PCDH10: variants seen among roughly 807,000 people sequenced by gnomAD.
PCDH10 encodes protocadherin-10.
In PCDH10, 15 loss-of-function variants were observed where a neutral mutation model predicts 74.4. The ratio of observed to expected loss-of-function variants is 0.20; its 90% CI spans 0.13 to 0.31. The LOEUF (loss-of-function observed/expected upper bound fraction) is 0.31. PCDH10 is among the 10% of genes least tolerant of loss of function. The probability of loss-of-function intolerance (pLI) is 1.00; values close to 1 mark genes in which losing one functional copy is unlikely to be tolerated. For missense variants in PCDH10, 1,260 were observed against 1,390.2 expected (o/e 0.91, Z 1.49); for synonymous variants, 619 against 589.8 (o/e 1.05, Z -0.72).
intron 3 of PCDH10, among the ~76,000 whole-genome samples, chr4:133,155,448 G>A (rs1215713737): frequency 6.6e-6 from 1 of 152,148 alleles, no homozygotes; most frequent in Non-Finnish European, 1.5e-5. Flanking sequence ...ATGGATGATT[G>A]AAGACTAGAA....
chr4:133,150,581 C>T lies in PCDH10; in HGVS notation c.441C>T (p.Phe147=), dbSNP rs757923593. ...PGTRFPLESA[F]DPDVGTNSLR... is the part of the protein sequence containing the mutation. ...CTCGCTTCCCCTTGGAGAGCGCATTCGACCCAGACGTGGGCACCAACTCCT... is the reference window on the plus strand; with the variant it reads ...CTCGCTTCCCCTTGGAGAGCGCATTTGACCCAGACGTGGGCACCAACTCCT... Residue 147 remains phenylalanine, a synonymous_variant, in exon 1 of 5, where the codon TTC becomes TTT. Transcript: ENST00000264360. 2 of 1,613,576 alleles carry T rather than the reference C, an allele frequency of 1.2e-6. No homozygotes were observed. Among genetic ancestry groups the T allele is most frequent in the Non-Finnish European group, 8.5e-7 (1 of 1,179,976 alleles).
chr4:133,183,145 A>G (rs1442751676), intron 4 of PCDH10, among the ~76,000 whole-genome samples: 1 of 152,098 alleles, frequency 6.6e-6, no homozygotes, highest in Non-Finnish European at 1.5e-5. Flanking sequence ...TTTTTGTCAT[A>G]GTTGAAAGCA....
chr4:133,194,899 T>C (rs976083364), downstream of PCDH10, among the ~76,000 whole-genome samples: 1 of 152,018 alleles, frequency 6.6e-6, no homozygotes, highest in African/African-American at 2.4e-5. Flanking sequence ...TTTTTCCACC[T>C]AATGCTGTAT....
intron 4 of PCDH10, among the ~76,000 whole-genome samples, chr4:133,175,409 G>T (rs1187194501): frequency 6.6e-6 from 1 of 152,038 alleles, no homozygotes. Context: ...TGTTTTCCAA[G>T]CACAGTGGTC....
chr4:133,191,340 T>C lies in PCDH10; in HGVS notation c.*1180T>C, dbSNP rs1727663956. The C allele has an allele frequency of 6.6e-6, 1 of 152,204 alleles. No individual in the cohort carries two copies. Among genetic ancestry groups the C allele is most frequent in the Admixed American group, 6.6e-5 (1 of 15,190 alleles). The allele number at this position is 152,204 out of a possible 1,614,324, so 9.4% of individuals were successfully genotyped here. The stretch of plus-strand genomic sequence containing the variant: ...AATTCTATATGAATATATAGAGATA[T>C]AGAAACATCTGAACTGGTAAAGAAT... On this transcript the variant is annotated 3_prime_UTR_variant, in exon 5 of 5. Transcript: ENST00000264360.
intron 3 of PCDH10, among the ~76,000 whole-genome samples, chr4:133,156,866 A>G (rs1216457081): frequency 6.6e-6 from 1 of 152,202 alleles, no homozygotes; most frequent in Non-Finnish European, 1.5e-5. Flanking sequence ...ATGAGAACAT[A>G]TTCTTATCAG....
Position 133,154,301 on chromosome 4 carries a change from T to C in PCDH10, c.2632-6T>C. On this transcript the variant is annotated splice_polypyrimidine_tract_variant and splice_region_variant and intron_variant, in intron 1 of 4. Coordinates refer to ENST00000264360, the MANE Select transcript of PCDH10 (RefSeq NM_032961.3). ...AATGCTCTTGATTTATTTATTTTTT[T>C]CCTAGACTAAACACCAGCGAGCAGA... is the stretch of plus-strand genomic sequence containing the variant. 1 of 1,601,988 alleles carries C rather than the reference T, an allele frequency of 6.2e-7. No individual in the cohort carries two copies. Among genetic ancestry groups the C allele is most frequent in the East Asian group, 2.2e-5 (1 of 44,688 alleles).
At chr4:133,174,783 A>T (rs1385828606) in intron 4 of PCDH10, among the ~76,000 whole-genome samples, 1 of 151,712 alleles carries the variant, frequency 6.6e-6, no homozygotes, top group Non-Finnish European at 1.5e-5. Context: ...AAGTTATATT[A>T]TGGAGTGATG....
intron 2 of PCDH10, among the ~76,000 whole-genome samples, chr4:133,202,661 G>A (rs959443703): frequency 1.3e-5 from 2 of 152,066 alleles, no homozygotes; most frequent in Non-Finnish European, 2.9e-5. Context: ...ATGTACAGAA[G>A]AAGCCATTTC....
At position 133,161,591 on chromosome 4, in the gene PCDH10, G is replaced by A. The variant is rs970044177; in HGVS notation, c.2798-1386G>A. Among the ~76,000 whole-genome samples, 4 of 151,920 alleles carry A rather than the reference G, an allele frequency of 2.6e-5. No individual in the cohort carries two copies. The East Asian group carries it at 7.7e-4, about 29-fold the overall frequency. ...TGATATTAATAGAAGTAACAATCAA[G>A]TATGTTCATTAAATAAATATTCTTT... On this transcript the variant is annotated intron_variant, in intron 3 of 4. Coordinates refer to ENST00000264360, the MANE Select transcript of PCDH10 (RefSeq NM_032961.3).
chr4:133,162,320 C>G (rs1027662733), intron 3 of PCDH10, among the ~76,000 whole-genome samples: 2 of 152,082 alleles, frequency 1.3e-5, no homozygotes, highest in African/African-American at 4.8e-5. Flanking sequence ...ATATGGACTA[C>G]CAGAGTGTCA....
At chr4:133,183,443 T>C (rs1233211143) in intron 4 of PCDH10, among the ~76,000 whole-genome samples, 1 of 152,128 alleles carries the variant, frequency 6.6e-6, no homozygotes, top group African/African-American at 2.4e-5. Context: ...GTGGATTCAC[T>C]TTGTCATACA....
rs1268242150 is a variant in PCDH10 at position 133,152,028 on chromosome 4, C to G, written c.1888C>G (p.Arg630Gly). Reference protein sequence around the residue: ...IVRGNEMNLFRMDWRTGELRT... With the variant: ...IVRGNEMNLFGMDWRTGELRT... ...GCGTGGCAACGAAATGAACCTCTTT[C>G]GCATGGACTGGCGCACCGGGGAGCT... Residue 630 changes from arginine to glycine, a missense_variant, in exon 1 of 5, where the codon CGC becomes GGC. Arg to Gly is a moderately radical substitution (Grantham distance 125). This residue lies in a region of PCDH10 where 587 missense variants were observed against 616.9 expected (regional missense o/e 0.95). Coordinates refer to ENST00000264360, the MANE Select transcript of PCDH10 (RefSeq NM_032961.3). The G allele has an allele frequency of 6.2e-7, 1 of 1,612,470 alleles. No individual in the cohort carries two copies. Among genetic ancestry groups the G allele is most frequent in the Admixed American group, 1.7e-5 (1 of 59,984 alleles).
rs560571863 is a variant in PCDH10, at chr4:133,172,944, A to G, written c.3103+9662A>G. Reference sequence around the variant, plus strand: ...TTTCTCTATCTTTGGAGTTCTCTTTATGGCTAGTCTATCAGAAATGCTTTA... The same window carrying G: ...TTTCTCTATCTTTGGAGTTCTCTTTGTGGCTAGTCTATCAGAAATGCTTTA... On this transcript the variant is annotated intron_variant, in intron 4 of 4. Transcript: ENST00000264360. Among the ~76,000 whole-genome samples, 38 of 152,060 alleles carry G rather than the reference A, an allele frequency of 2.5e-4. 2 individuals carry two copies. The South Asian group carries it at 7.7e-3, about 31-fold the overall frequency.
chr4:133,160,854 CATA>C (rs1310458577), intron 3 of PCDH10, among the ~76,000 whole-genome samples: 9 of 151,702 alleles, frequency 5.9e-5, no homozygotes, highest in African/African-American at 2.2e-4. Flanking sequence ...AATAATGGCT[CATA>C]ATAATTTTAC....
At chr4:133,153,261 A>C (rs1726782103) in intron 1 of PCDH10, 2 of 1,011,428 alleles carry the variant, frequency 2.0e-6, no homozygotes, top group African/African-American at 3.5e-5. Context: ...ACAGTTGTCT[A>C]ACCTCGAATT....
intron 4 of PCDH10, among the ~76,000 whole-genome samples, chr4:133,164,713 G>A (rs1234257770): frequency 6.6e-6 from 1 of 151,156 alleles, no homozygotes; most frequent in East Asian, 1.9e-4. Flanking sequence ...TTTCTTTACT[G>A]ACTGGATTTT....
intron 4 of PCDH10, among the ~76,000 whole-genome samples, chr4:133,187,172 C>T (rs545133011): frequency 9.2e-5 from 14 of 152,150 alleles, no homozygotes; most frequent in African/African-American, 3.1e-4. Flanking sequence ...TGGATTCAAT[C>T]AACTGTGGAT....
intron 2 of PCDH10, among the ~76,000 whole-genome samples, chr4:133,200,407 A>G (rs1340204647): frequency 6.6e-6 from 1 of 152,062 alleles, no homozygotes; most frequent in Non-Finnish European, 1.5e-5. Context: ...ACAATAAGTA[A>G]TAAAGATAAA....
Sources: gnomAD v4.1 joint callset for allele counts (sites outside exome capture counted in the v4.1 genomes callset) on GRCh38, gnomAD v4.1.1 for gene constraint, gnomAD v4.1.1 regional missense constraint, MANE v1.5 for transcripts, NCBI Gene and HGNC (gene_info 2026-07-23, HGNC 2026-07-21) for gene names.